Variants in ADGRB2 observed in about 807,000 individuals in gnomAD.
ADGRB2 encodes brain-specific angiogenesis inhibitor 2.
Under a neutral mutation model 178.7 loss-of-function variants are expected in ADGRB2, and 47 were observed. The ratio of observed to expected loss-of-function variants is 0.26; its 90% CI spans 0.21 to 0.34. The LOEUF is 0.34. ADGRB2 is among the 10% of genes least tolerant of loss of function. The probability of loss-of-function intolerance (pLI) is 1.00; values close to 1 mark genes in which losing one functional copy is unlikely to be tolerated. For synonymous variants in ADGRB2, 870 were observed against 912.4 expected, an observed-to-expected ratio of 0.95 and a Z score of 0.84; for missense variants, 1,584 against 2,180.8, an observed-to-expected ratio of 0.73 and a Z score of 5.45.
rs71006321 is a variant in ADGRB2 at position 31,728,803 on chromosome 1, A to AACACACAC, written c.4381-178_4381-171dup. On this transcript the variant is annotated intron_variant, in intron 29 of 32. Coordinates refer to ENST00000373658, the MANE Select transcript of ADGRB2 (RefSeq NM_001364857.2). The surrounding 1 kb of genome is among the most constrained non-coding windows in gnomAD (Gnocchi z 6.7). ...TGGGGCAGCTTTTCAGGCCTCACTG[A>AACACACAC]ACACACACACACACACACACACACA... is the stretch of plus-strand genomic sequence containing the variant. Among the ~76,000 whole-genome samples, 2,234 of 115,488 alleles carry AACACACAC rather than the reference A, an allele frequency of 0.019. 65 individuals are homozygous for AACACACAC. Among genetic ancestry groups the AACACACAC allele is most frequent in the East Asian group, 0.048 (172 of 3,616 alleles). The allele number at this position is 115,488 out of a possible 152,430, so 75.8% of individuals were successfully genotyped here.
chr1:31,730,071 C>T (rs1645199836), intron 29 of ADGRB2, among the ~76,000 whole-genome samples: 1 of 152,208 alleles, frequency 6.6e-6, no homozygotes, highest in South Asian at 2.1e-4. Context: ...CCCTTCATGA[C>T]TCCAATAAAG....
chr1:31,747,725 C>A (rs112422181), intron 4 of ADGRB2, among the ~76,000 whole-genome samples: 1 of 152,162 alleles, frequency 6.6e-6, no homozygotes, highest in Admixed American at 6.5e-5. Flanking sequence ...CTCAGCCCAG[C>A]GAAATACCAA....
chr1:31,731,162 G>A lies in ADGRB2; in HGVS notation c.4018C>T (p.Leu1340=). The change falls in exon 29 of 33, where the codon CTG becomes TTG. Residue 1340 remains leucine (L), a synonymous_variant. Coordinates refer to ENST00000373658, the MANE Select transcript of ADGRB2 (RefSeq NM_001364857.2). ...GGLRQLDLTW[L]RPTEPGSEGD... is the part of the protein sequence containing the mutation. ...TCAGAGCCTGGCTCAGTGGGCCGCA[G>A]CCATGTGAGGTCCAGCTGCCGCAGG... 1 of 1,598,250 alleles carries A rather than the reference G, an allele frequency of 6.3e-7. No individual in the cohort carries two copies. Among genetic ancestry groups the A allele is most frequent in the Non-Finnish European group, 8.5e-7 (1 of 1,173,076 alleles).
chr1:31,728,531 A>G lies in ADGRB2; in HGVS notation c.4416+67T>C. The G allele has an allele frequency of 6.2e-7, 1 of 1,605,276 alleles. No individual in the cohort carries two copies. Among genetic ancestry groups the G allele is most frequent in the Non-Finnish European group, 8.5e-7 (1 of 1,172,028 alleles). On this transcript the variant is annotated intron_variant, in intron 30 of 32. Transcript: ENST00000373658. The surrounding 1 kb of genome is among the most constrained non-coding windows in gnomAD (Gnocchi z 6.7). ...CAACAGAGCTTGGACTACTTTTAGGAGTGAGCCCTCCAGGGACAGACACCA... is the reference window on the plus strand; with the variant it reads ...CAACAGAGCTTGGACTACTTTTAGGGGTGAGCCCTCCAGGGACAGACACCA...
At chr1:31,760,303 A>C (rs1570102090) in intron 1 of ADGRB2, among the ~76,000 whole-genome samples, 1 of 152,004 alleles carries the variant, frequency 6.6e-6, no homozygotes, top group Non-Finnish European at 1.5e-5. Flanking sequence ...TTTTAACCCT[A>C]CCAAGGCCCC....
chr1:31,735,397 G>T lies in ADGRB2; in HGVS notation c.3354-116C>A. On this transcript the variant is annotated intron_variant, in intron 24 of 32. Transcript: ENST00000373658. This position sits in a 1 kb window ranked among gnomAD's most constrained non-coding sequence, Gnocchi z 6.0. ...GAGGGCAGACGAGAGAGAGAGAGCT[G>T]GGTTAGGGTGGGTGAGGGGCTGCGG... The T allele has an allele frequency of 8.4e-7, 1 of 1,191,108 alleles. No individual in the cohort carries two copies. The highest frequency in any genetic ancestry group is 1.2e-6 in the Non-Finnish European group (1 of 830,176). The allele number at this position is 1,191,108 out of a possible 1,614,324, so 73.8% of individuals were successfully genotyped here.
chr1:31,742,452 T>C (rs1646027684), intron 7 of ADGRB2, among the ~76,000 whole-genome samples: 1 of 152,178 alleles, frequency 6.6e-6, no homozygotes, highest in Non-Finnish European at 1.5e-5. Flanking sequence ...CCTCTCCTCT[T>C]AGCACAAGGC....
At chr1:31,752,772 G>A (rs1646641834) in intron 4 of ADGRB2, among the ~76,000 whole-genome samples, 1 of 152,138 alleles carries the variant, frequency 6.6e-6, no homozygotes, top group African/African-American at 2.4e-5. Flanking sequence ...CGATCAGGGG[G>A]TGACACACAG....
Position 31,737,817 on chromosome 1 carries a change from T to C in ADGRB2, c.2773-62A>G, listed in dbSNP as rs1268071287. 3 of 1,444,080 alleles carry C rather than the reference T, an allele frequency of 2.1e-6. No homozygotes were observed. The East Asian group carries it at 7.0e-5, about 33-fold the overall frequency. 89.5% of individuals were successfully genotyped at this position (1,444,080 alleles called of 1,614,324 possible). A position where few individuals can be genotyped will look rare whatever the true frequency, so the allele number is the denominator to read the frequency against. On this transcript the variant is annotated intron_variant, in intron 18 of 32. Coordinates refer to ENST00000373658, the MANE Select transcript of ADGRB2 (RefSeq NM_001364857.2). ...GGAGGGGGGAGCTGCAGGGGTGCCCTGTCCCCTCATCTACCATAGACTGGC... is the reference window on the plus strand; with the variant it reads ...GGAGGGGGGAGCTGCAGGGGTGCCCCGTCCCCTCATCTACCATAGACTGGC...
chr1:31,756,564 T>C lies in ADGRB2; in HGVS notation c.273A>G (p.Ala91=). The part of the protein sequence containing the change: ...LRFNRQEQVC[A]HFAPRLLPLD... ...GGGGCAGCAGGCGGGGGGCAAAGTG[T>C]GCGCACACCTGCTCCTGGCGGTTGA... The change falls in exon 4 of 33, where the codon GCA becomes GCG. Residue 91 remains alanine (A), a synonymous_variant. Transcript: ENST00000373658. The surrounding 1 kb of genome is among the most constrained non-coding windows in gnomAD (Gnocchi z 8.5). 6.2e-7 allele frequency: 1 copy of C among 1,612,386 alleles called. No homozygotes were observed. Among genetic ancestry groups the C allele is most frequent in the Non-Finnish European group, 8.5e-7 (1 of 1,179,136 alleles).
intron 1 of ADGRB2, among the ~76,000 whole-genome samples, chr1:31,762,053 A>G (rs1647054718): frequency 7.6e-6 from 1 of 132,040 alleles, no homozygotes; most frequent in Non-Finnish European, 1.6e-5. Context: ...ACTCAGCTTC[A>G]TTACTTGGGG....
In ADGRB2 at chr1:31,744,084, T is replaced by G; in HGVS notation, c.1087+109A>C. The G allele has an allele frequency of 7.4e-7, 1 of 1,345,472 alleles. No homozygotes were observed. Among genetic ancestry groups the G allele is most frequent in the Non-Finnish European group, 1.0e-6 (1 of 1,004,562 alleles). The allele number at this position is 1,345,472 out of a possible 1,614,324, so 83.3% of individuals were successfully genotyped here. On this transcript the variant is annotated intron_variant, in intron 6 of 32. Transcript: ENST00000373658. This position sits in a 1 kb window ranked among gnomAD's most constrained non-coding sequence, Gnocchi z 6.7. ...GCATGGTGTGGGGAACAGCCACATT[T>G]GTTGAATGAAAGGAGGAGGCAACCA...
intron 1 of ADGRB2, among the ~76,000 whole-genome samples, chr1:31,760,390 C>T (rs2149074361): frequency 6.6e-6 from 1 of 152,320 alleles, no homozygotes; most frequent in East Asian, 1.9e-4. Flanking sequence ...TCTGCCCAAA[C>T]ACACTCAAGT....
At chr1:31,743,214 A>G (rs1646081418) in intron 6 of ADGRB2, among the ~76,000 whole-genome samples, 2 of 152,058 alleles carry the variant, frequency 1.3e-5, no homozygotes, top group Non-Finnish European at 2.9e-5. Context: ...TCCGGTCCTA[A>G]TTCACATAGG....
Position 31,735,141 on chromosome 1 carries a change from TG to T in ADGRB2, c.3452+41del. On this transcript the variant is annotated intron_variant, in intron 25 of 32. Coordinates refer to ENST00000373658, the MANE Select transcript of ADGRB2 (RefSeq NM_001364857.2). The surrounding 1 kb of genome is among the most constrained non-coding windows in gnomAD (Gnocchi z 6.0). ...TGGGCACTGCCCCCCCCAATTCCTT[TG>T]CCCCACCCACCCCCACCGCCCCCCA... 2.3e-6 allele frequency: 3 copies of T among 1,305,914 alleles called. No individual in the cohort carries two copies. Among genetic ancestry groups the T allele is most frequent in the Non-Finnish European group, 3.1e-6 (3 of 983,028 alleles). 80.9% of individuals were successfully genotyped at this position (1,305,914 alleles called of 1,614,324 possible). A position where few individuals can be genotyped will look rare whatever the true frequency, so the allele number is the denominator to read the frequency against.
rs188243135 is a variant in ADGRB2, at chr1:31,754,331, G to C, written c.838+1668C>G. On this transcript the variant is annotated intron_variant, in intron 4 of 32. Coordinates refer to ENST00000373658, the MANE Select transcript of ADGRB2 (RefSeq NM_001364857.2). This position sits in a 1 kb window ranked among gnomAD's most constrained non-coding sequence, Gnocchi z 5.7. ...AGGGCAGAGCCTTGCTCCGTCCACTGCAGATCACTGGACCGATGGACCGCA... is the reference window on the plus strand; with the variant it reads ...AGGGCAGAGCCTTGCTCCGTCCACTCCAGATCACTGGACCGATGGACCGCA... Among the ~76,000 whole-genome samples, 5 of 152,362 alleles carry C rather than the reference G, an allele frequency of 3.3e-5. No homozygotes were observed. In the East Asian group the frequency reaches 9.6e-4, roughly 29 times the overall value.
rs576857928 is a variant in ADGRB2, at chr1:31,741,920, T to C, written c.1465A>G (p.Lys489Glu). The C allele has an allele frequency of 1.2e-6, 2 of 1,609,528 alleles. No homozygotes were observed. Among genetic ancestry groups the C allele is most frequent in the East Asian group, 2.2e-5 (1 of 44,750 alleles). ...CGCTGCCAGCCTGTGTCACACGTCT[T>C]AGAGCACAGGCTCCACGCATTCCAT... ...GPWNAWSLCSKTCDTGWQRRF... is the reference protein window; with the variant it reads ...GPWNAWSLCSETCDTGWQRRF... Residue 489 changes from lysine (K) to glutamate (E), a missense_variant, in exon 9 of 33, where the codon AAG becomes GAG. By Grantham distance (56) the Lys-to-Glu change is moderately conservative. This residue lies in a region of ADGRB2 where 657 missense variants were observed against 847.6 expected (regional missense o/e 0.78). Coordinates refer to ENST00000373658, the MANE Select transcript of ADGRB2 (RefSeq NM_001364857.2). This position sits in a 1 kb window ranked among gnomAD's most constrained non-coding sequence, Gnocchi z 6.5.
chr1:31,737,243 T>G (rs896051360), intron 20 of ADGRB2, among the ~76,000 whole-genome samples, 186 bp downstream of exon 20: 1 of 152,112 alleles, frequency 6.6e-6, no homozygotes, highest in African/African-American at 2.4e-5. Context: ...CTCACTTGAG[T>G]ACACACCCCC....
Position 31,728,803 on chromosome 1 carries a change from AACACACACACAC to A in ADGRB2, c.4381-182_4381-171del, listed in dbSNP as rs71006321. On this transcript the variant is annotated intron_variant, in intron 29 of 32. Coordinates refer to ENST00000373658, the MANE Select transcript of ADGRB2 (RefSeq NM_001364857.2). This position sits in a 1 kb window ranked among gnomAD's most constrained non-coding sequence, Gnocchi z 6.7. ...TGGGGCAGCTTTTCAGGCCTCACTG[AACACACACACAC>A]ACACACACACACACACACACACACA... 9.8e-4 allele frequency among the ~76,000 whole-genome samples: 113 copies of A among 115,530 alleles called. 1 individual carries two copies. The highest frequency in any genetic ancestry group is 4.3e-3 in the Admixed American group (47 of 10,946). The allele number at this position is 115,530 out of a possible 152,430, so 75.8% of individuals were successfully genotyped here.
Sources: gnomAD v4.1 joint callset for allele counts (sites outside exome capture counted in the v4.1 genomes callset) on GRCh38, gnomAD v4.1.1 for gene constraint, gnomAD v4.1.1 regional missense constraint, Gnocchi (gnomAD v3.1) non-coding constraint, MANE v1.5 for transcripts, NCBI Gene and HGNC (gene_info 2026-07-23, HGNC 2026-07-21) for gene names.